Variants in FMN2 observed in about 807,000 individuals in gnomAD.
FMN2 encodes the protein formin-2.
Under a neutral mutation model 142.3 loss-of-function variants are expected in FMN2, and 51 were observed. That is an observed-to-expected ratio of 0.36 (90% CI 0.29 to 0.45). FMN2 has a LOEUF of 0.45. Among genes scored for constraint, FMN2 ranks in the 20% least tolerant of loss-of-function variants. The pLI is 1.00. For synonymous variants in FMN2, 882 were observed against 869.8 expected (o/e 1.01, Z -0.25); for missense variants, 1,936 against 2,122.8 (o/e 0.91, Z 1.73).
intron 1 of FMN2, among the ~76,000 whole-genome samples, chr1:240,111,135 T>C (rs1661794121): frequency 6.6e-6 from 1 of 152,194 alleles, no homozygotes; most frequent in Admixed American, 6.5e-5. Flanking sequence ...TCATTTAATT[T>C]TCACAGTAAT....
At chr1:240,318,137 T>C (rs1670852872) in intron 8 of FMN2, among the ~76,000 whole-genome samples, 1 of 152,214 alleles carries the variant, frequency 6.6e-6, no homozygotes, top group Non-Finnish European at 1.5e-5. Context: ...TTGTTGCTGC[T>C]GGGTGGAAGT....
At chr1:240,197,150 T>C (rs10926164) in intron 4 of FMN2, among the ~76,000 whole-genome samples, 38,550 of 152,086 alleles carry the variant, frequency 0.25, 5,830 homozygotes, top group South Asian at 0.36. Flanking sequence ...GAAGGTTAAG[T>C]TGGTCACCAG....
At chr1:240,298,762 A>T (rs10926207) in intron 8 of FMN2, among the ~76,000 whole-genome samples, 31,550 of 152,134 alleles carry the variant, frequency 0.21, 3,536 homozygotes, top group Admixed American at 0.33. Flanking sequence ...GGTCTGTGGA[A>T]GAATTGTCTT....
rs896605004 is a variant in FMN2 at position 240,093,164 on chromosome 1, A to T, written c.1055A>T (p.Asp352Val). The part of the protein sequence containing the change: ...AGDTDEEGEE[D>V]AFEDAPRGSP... ...GACACGGATGAGGAGGGTGAGGAGG[A>T]TGCTTTTGAGGATGCGCCCCGGGGC... Residue 352 changes from aspartate to valine, a missense_variant, in exon 1 of 18, where the codon GAT becomes GTT. Physicochemically the swap from Asp to Val is radical, Grantham distance 152 (BLOSUM62 -3). Transcript: ENST00000319653. 2 of 1,442,104 alleles carry T rather than the reference A, an allele frequency of 1.4e-6. No individual in the cohort carries two copies. Among genetic ancestry groups the T allele is most frequent in the Non-Finnish European group, 1.8e-6 (2 of 1,102,606 alleles). The allele number at this position is 1,442,104 out of a possible 1,614,324, so 89.3% of individuals were successfully genotyped here.
chr1:240,462,189 A>AT (rs1203393946), intron 16 of FMN2, among the ~76,000 whole-genome samples: 1 of 152,030 alleles, frequency 6.6e-6, no homozygotes, highest in African/African-American at 2.4e-5. Flanking sequence ...TCTTTAAATG[A>AT]TTTTTTGGAA....
chr1:240,325,302 C>A (rs1176781045), intron 8 of FMN2, among the ~76,000 whole-genome samples: 3 of 144,112 alleles, frequency 2.1e-5, no homozygotes, highest in African/African-American at 8.0e-5. Flanking sequence ...GAGATCGCGC[C>A]ACTGCACTTC....
At chr1:240,462,193 T>C (rs1224959513) in intron 16 of FMN2, among the ~76,000 whole-genome samples, 2 of 152,166 alleles carry the variant, frequency 1.3e-5, no homozygotes, top group African/African-American at 4.8e-5. Flanking sequence ...TAAATGATTT[T>C]TTGGAATGAA....
At chr1:240,197,603 A>T (rs528035273) in intron 4 of FMN2, among the ~76,000 whole-genome samples, 37 of 152,316 alleles carry the variant, frequency 2.4e-4, no homozygotes, top group African/African-American at 8.9e-4. Flanking sequence ...TGTCTATAAT[A>T]GAATTGATTG....
chr1:240,325,186 C>T (rs774699710), intron 8 of FMN2, among the ~76,000 whole-genome samples: 10 of 151,666 alleles, frequency 6.6e-5, no homozygotes, highest in South Asian at 6.2e-4. Flanking sequence ...GGCAAAACCC[C>T]GTCTCTACAA....
At chr1:240,309,477 GCA>G (rs1670529184) in intron 8 of FMN2, among the ~76,000 whole-genome samples, 1 of 152,170 alleles carries the variant, frequency 6.6e-6, no homozygotes, top group South Asian at 2.1e-4. Flanking sequence ...TGGTGCAGGT[GCA>G]CAGTGCGTGG....
chr1:240,353,619 A>T (rs2103043519), intron 13 of FMN2, among the ~76,000 whole-genome samples: 1 of 152,346 alleles, frequency 6.6e-6, no homozygotes, highest in South Asian at 2.1e-4. Flanking sequence ...GTTGATATTG[A>T]ATCCCACCTC....
chr1:240,175,007 C>A (rs1664859813), intron 2 of FMN2, among the ~76,000 whole-genome samples: 1 of 152,170 alleles, frequency 6.6e-6, no homozygotes, highest in Non-Finnish European at 1.5e-5. Context: ...CCAATCCGGG[C>A]AACCACCATT....
chr1:240,198,387 A>C (rs933826308), intron 4 of FMN2, among the ~76,000 whole-genome samples: 3 of 152,224 alleles, frequency 2.0e-5, no homozygotes, highest in Admixed American at 6.5e-5. Context: ...AAAGTAATAC[A>C]GCCAAGTATG....
At chr1:240,163,801 C>T (rs1213731070) in intron 2 of FMN2, among the ~76,000 whole-genome samples, 3 of 151,914 alleles carry the variant, frequency 2.0e-5, no homozygotes, top group Non-Finnish European at 4.4e-5. Context: ...TTATCAATTA[C>T]TCTTTACTAT....
rs1333786452 is a variant in FMN2, at chr1:240,121,383, T to TTA, written c.1616-1795_1616-1794insAT. ...AGTGTCTTATTTTTTTTATTTTTAT[T>TTA]TTTTTTTTTTTGAGACGGAGTCTTG... On this transcript the variant is annotated intron_variant, in intron 1 of 17. Coordinates refer to ENST00000319653, the MANE Select transcript of FMN2 (RefSeq NM_020066.5). 1.5e-3 allele frequency among the ~76,000 whole-genome samples: 165 copies of TTA among 106,924 alleles called. 1 individual carries two copies. Among genetic ancestry groups the TTA allele is most frequent in the African/African-American group, 5.5e-3 (156 of 28,336 alleles). The allele number at this position is 106,924 out of a possible 152,430, so 70.1% of individuals were successfully genotyped here.
At position 240,223,378 on chromosome 1, in the gene FMN2, C is replaced by A. The variant is rs576296791; in HGVS notation, c.4065+12143C>A. Among the ~76,000 whole-genome samples, 411 of 152,170 alleles carry A rather than the reference C, an allele frequency of 2.7e-3. 3 individuals carry two copies. In the South Asian group the frequency reaches 0.027, roughly 10 times the overall value. On this transcript the variant is annotated intron_variant, in intron 6 of 17. Coordinates refer to ENST00000319653, the MANE Select transcript of FMN2 (RefSeq NM_020066.5). ...AAGCTTTTTGATTTGCTGCTGGATT[C>A]GGTTTGCCATTATTTTATTGAGGAT...
chr1:240,202,787 G>T (rs939415605), intron 4 of FMN2, among the ~76,000 whole-genome samples: 5 of 152,064 alleles, frequency 3.3e-5, no homozygotes, highest in South Asian at 4.1e-4. Context: ...CTCTGTGTGT[G>T]TATGTGTTTA....
chr1:240,126,767 G>T (rs2103225756), intron 2 of FMN2, among the ~76,000 whole-genome samples: 1 of 152,276 alleles, frequency 6.6e-6, no homozygotes, highest in African/African-American at 2.4e-5. Flanking sequence ...AGATGTGTTA[G>T]TGAGCAAGAG....
chr1:240,101,952 C>CAATGTA (rs1231249590), intron 1 of FMN2, among the ~76,000 whole-genome samples: 9 of 152,078 alleles, frequency 5.9e-5, no homozygotes, highest in Non-Finnish European at 1.0e-4. Flanking sequence ...TCATTATCTG[C>CAATGTA]AATGTAAGTC....
Sources: allele counts gnomAD v4.1 joint callset (sites outside exome capture counted in the v4.1 genomes callset), GRCh38; gene constraint gnomAD v4.1.1; transcripts MANE v1.5; gene names NCBI Gene and HGNC (gene_info 2026-07-23, HGNC 2026-07-21).